NTM: variants seen among roughly 807,000 people sequenced by gnomAD.
NTM encodes the protein neurotrimin.
In NTM, 13 loss-of-function variants were observed where a neutral mutation model predicts 42.1. The observed-to-expected ratio is 0.31, with a 90% confidence interval of 0.20 to 0.49. NTM has a LOEUF of 0.49. NTM is among the 20% of genes least tolerant of loss of function. The probability of loss-of-function intolerance (pLI) is 0.99; values close to 1 mark genes in which losing one functional copy is unlikely to be tolerated. For synonymous variants in NTM, 187 were observed against 179.2 expected (o/e 1.04, Z -0.35); for missense variants, 373 against 452.8 (o/e 0.82, Z 1.60).
At chr11:131,746,265 A>T (rs1157752435) in intron 1 of NTM, among the ~76,000 whole-genome samples, 3 of 152,146 alleles carry the variant, frequency 2.0e-5, no homozygotes, top group African/African-American at 7.2e-5. Context: ...TCAGGGACGG[A>T]CATCTTTCAC....
intron 1 of NTM, among the ~76,000 whole-genome samples, chr11:131,750,534 C>T (rs2082360385): frequency 6.6e-6 from 1 of 152,208 alleles, no homozygotes; most frequent in African/African-American, 2.4e-5. Context: ...AAGCCAGAGA[C>T]CAAGTGGCCT....
At chr11:132,148,526 A>G (rs1411252834) in intron 3 of NTM, among the ~76,000 whole-genome samples, 1 of 152,158 alleles carries the variant, frequency 6.6e-6, no homozygotes, top group East Asian at 1.9e-4. Flanking sequence ...ACTAGGAACT[A>G]TTAGAGATAT....
At chr11:132,105,345 A>C (rs1215942572) in intron 2 of NTM, among the ~76,000 whole-genome samples, 1 of 152,114 alleles carries the variant, frequency 6.6e-6, no homozygotes, top group East Asian at 1.9e-4. Context: ...ATAAATAAAT[A>C]TGTCTGCTTA....
At chr11:131,713,405 C>A (rs2077374704) in intron 1 of NTM, among the ~76,000 whole-genome samples, 1 of 152,102 alleles carries the variant, frequency 6.6e-6, no homozygotes, top group Non-Finnish European at 1.5e-5. Context: ...CTCAATTTAT[C>A]CTCAGCTATT....
At chr11:131,458,159 C>T (rs1156509037) in intron 1 of NTM, among the ~76,000 whole-genome samples, 1 of 152,108 alleles carries the variant, frequency 6.6e-6, no homozygotes, top group Non-Finnish European at 1.5e-5. Context: ...GAAGGAAGAG[C>T]CTGGAGGCAG....
At chr11:131,926,650 G>A (rs1467533199) in intron 2 of NTM, among the ~76,000 whole-genome samples, 6 of 152,210 alleles carry the variant, frequency 3.9e-5, no homozygotes, top group Non-Finnish European at 8.8e-5. Flanking sequence ...TAGGAGCACA[G>A]CTCTCAGGAG....
chr11:131,891,938 T>TTA (rs1243751400), intron 1 of NTM, among the ~76,000 whole-genome samples: 1 of 152,218 alleles, frequency 6.6e-6, no homozygotes, highest in African/African-American at 2.4e-5. Context: ...TCTAAACACT[T>TTA]CTTACTCTCT....
intron 2 of NTM, among the ~76,000 whole-genome samples, chr11:131,996,369 A>G (rs1486984802): frequency 2.0e-5 from 3 of 152,134 alleles, no homozygotes; most frequent in Admixed American, 6.5e-5. Context: ...CATATCCACT[A>G]CAAGAGATGG....
intron 1 of NTM, among the ~76,000 whole-genome samples, chr11:131,724,152 G>A (rs1243599169): frequency 6.6e-6 from 1 of 152,120 alleles, no homozygotes; most frequent in Non-Finnish European, 1.5e-5. Context: ...TCAGGTACCT[G>A]GGCCACGGCT....
intron 1 of NTM, among the ~76,000 whole-genome samples, chr11:131,776,410 T>C (rs1157158254): frequency 6.6e-6 from 1 of 152,226 alleles, no homozygotes; most frequent in Non-Finnish European, 1.5e-5. Flanking sequence ...TCTTTCCTGC[T>C]ACTTCCCTGA....
chr11:132,014,895 A>G (rs2073089132), intron 2 of NTM, among the ~76,000 whole-genome samples: 3 of 151,882 alleles, frequency 2.0e-5, no homozygotes. Flanking sequence ...TTTTGGCTTA[A>G]TATGGTCCCA....
At chr11:132,264,590 C>T (rs981435681) in intron 4 of NTM, among the ~76,000 whole-genome samples, 1 of 152,086 alleles carries the variant, frequency 6.6e-6, no homozygotes, top group Non-Finnish European at 1.5e-5. Context: ...TTTATACATA[C>T]ACTGTATTGT....
intron 4 of NTM, among the ~76,000 whole-genome samples, chr11:132,288,588 A>G (rs938346534): frequency 3.9e-5 from 6 of 151,934 alleles, no homozygotes; most frequent in Admixed American, 1.3e-4. Context: ...TTTAACCTCT[A>G]TTGTTTAGAT....
intron 1 of NTM, among the ~76,000 whole-genome samples, chr11:131,715,347 G>T (rs1229366148): frequency 1.3e-5 from 2 of 152,178 alleles, no homozygotes; most frequent in Admixed American, 6.5e-5. Flanking sequence ...ATTTGCAGAG[G>T]TTGGTGAAAC....
chr11:132,022,189 G>T (rs898807069), intron 2 of NTM, among the ~76,000 whole-genome samples: 1 of 152,308 alleles, frequency 6.6e-6, no homozygotes, highest in South Asian at 2.1e-4. Context: ...ATACCACAGA[G>T]CCCCACAGTT....
At chr11:131,875,980 G>A (rs114658343) in intron 1 of NTM, among the ~76,000 whole-genome samples, 1,611 of 152,296 alleles carry the variant, frequency 0.011, 31 homozygotes, top group African/African-American at 0.037. Context: ...AGGGAGAGTC[G>A]GGCCCAGGAG....
intron 1 of NTM, among the ~76,000 whole-genome samples, chr11:131,420,018 G>A (rs745611905): frequency 6.6e-5 from 10 of 152,150 alleles, no homozygotes; most frequent in Non-Finnish European, 1.2e-4. Context: ...CAGGTACCGT[G>A]TCCTCCTCTC....
Position 132,256,080 on chromosome 11 carries a change from A to G in NTM, c.526+43933A>G, listed in dbSNP as rs371181328. ...CTGTGCATACTCCTTCCTAGAAGGC[A>G]AATGTGGAATATTCTGTCTAGGCTA... On this transcript the variant is annotated intron_variant, in intron 4 of 8. Coordinates refer to ENST00000683400, the MANE Select transcript of NTM (RefSeq NM_001352005.2). 4.6e-5 allele frequency among the ~76,000 whole-genome samples: 7 copies of G among 152,266 alleles called. 1 individual carries two copies. Among genetic ancestry groups the G allele is most frequent in the Admixed American group, 3.9e-4 (6 of 15,308 alleles).
intron 2 of NTM, among the ~76,000 whole-genome samples, chr11:132,107,339 C>CTTCTT (rs1640202965): frequency 2.6e-4 from 23 of 88,866 alleles, no homozygotes; most frequent in African/African-American, 1.1e-3. Context: ...AAGATTTATC[C>CTTCTT]TTTTTTTTTT....
Sources: allele counts gnomAD v4.1 joint callset (sites outside exome capture counted in the v4.1 genomes callset), GRCh38; gene constraint gnomAD v4.1.1; transcripts MANE v1.5; gene names NCBI Gene and HGNC (gene_info 2026-07-23, HGNC 2026-07-21).